The following DARS2 variants were observed in gnomAD, a reference collection of about 807,000 sequenced individuals.
The protein encoded by DARS2 is aspartate--tRNA ligase, mitochondrial.
A neutral mutation model predicts 83.0 loss-of-function variants in DARS2; 63 were observed. That is an observed-to-expected ratio of 0.76 (90% CI 0.62 to 0.94). DARS2 has a LOEUF of 0.94. Ranked by LOEUF, DARS2 falls within the 40% of genes least tolerant of loss-of-function variation. The pLI is 0.00. For synonymous variants in DARS2, 250 were observed against 269.3 expected (o/e 0.93, Z 0.70); for missense variants, 675 against 774.4 (o/e 0.87, Z 1.52).
At chr1:173,835,564 G>A (rs911849136) in intron 7 of DARS2, among the ~76,000 whole-genome samples, 3 of 151,404 alleles carry the variant, frequency 2.0e-5, no homozygotes, top group Non-Finnish European at 4.4e-5. Context: ...AAAAAAAAAT[G>A]GAAAAGAAAA....
At chr1:173,842,938 TAAAAAAAAA>T (rs532765288) in intron 11 of DARS2, among the ~76,000 whole-genome samples, 2 of 120,236 alleles carry the variant, frequency 1.7e-5, no homozygotes, top group African/African-American at 6.3e-5. Flanking sequence ...CACTCCATCT[TAAAAAAAAA>T]AAAAAAAAAA....
intron 15 of DARS2, 107 bp from the exon 16 acceptor site, chr1:173,856,559 G>T: frequency 1.1e-6 from 1 of 942,230 alleles, no homozygotes; most frequent in Non-Finnish European, 1.7e-6. Context: ...GTCAGTTTTA[G>T]CTGTTTTAAA....
At chr1:173,840,738 CTT>C (rs1179101574) in intron 10 of DARS2, 126 bp from the exon 11 acceptor site, 9 of 675,262 alleles carry the variant, frequency 1.3e-5, no homozygotes, top group South Asian at 1.0e-4. Flanking sequence ...GGTAAACACT[CTT>C]TGAATGTATT....
chr1:173,853,132 C>G (rs1653735446), intron 13 of DARS2, among the ~76,000 whole-genome samples: 1 of 152,198 alleles, frequency 6.6e-6, no homozygotes, highest in African/African-American at 2.4e-5. Flanking sequence ...ACCGAGTTAT[C>G]AGTACTCACC....
intron 1 of DARS2, 104 bp downstream of exon 1, chr1:173,825,460 T>G: frequency 1.9e-6 from 1 of 515,060 alleles, no homozygotes; most frequent in Non-Finnish European, 2.7e-6. Context: ...ATTATTATTA[T>G]TATTATTATT....
At chr1:173,840,376 T>C (rs1115487) in intron 10 of DARS2, among the ~76,000 whole-genome samples, 13,821 of 152,252 alleles carry the variant, frequency 0.091, 2,025 homozygotes, top group African/African-American at 0.31. Flanking sequence ...GTAGCTGGGA[T>C]TACAGGCGCA....
intron 7 of DARS2, among the ~76,000 whole-genome samples, chr1:173,834,733 T>G (rs1413381743): frequency 9.9e-5 from 3 of 30,396 alleles, no homozygotes; most frequent in Non-Finnish European, 1.4e-4. Flanking sequence ...AGTTTTTTTG[T>G]TTTTTTTTTT....
intron 7 of DARS2, among the ~76,000 whole-genome samples, chr1:173,834,760 TTTG>T (rs1652930889): frequency 3.9e-5 from 3 of 77,034 alleles, no homozygotes; most frequent in Non-Finnish European, 7.7e-5. Context: ...TTTTTTTTGG[TTTG>T]TTTTGGGTTT....
intron 12 of DARS2, 64 bp downstream of exon 12, chr1:173,845,355 C>T (rs2102654046): frequency 9.8e-7 from 1 of 1,023,728 alleles, no homozygotes; most frequent in Non-Finnish European, 1.5e-6. Context: ...CTATTATTAA[C>T]TAAACTATCA....
intron 13 of DARS2, chr1:173,851,835 G>C (rs1653681655): frequency 1.3e-5 from 13 of 985,246 alleles, no homozygotes; most frequent in Middle Eastern, 1.0e-3. Flanking sequence ...TTCTTCCACA[G>C]AAAAAGTTTC....
chr1:173,853,628 A>AC, intron 14 of DARS2, 61 bp downstream of exon 14: 1 of 1,593,864 alleles, frequency 6.3e-7, no homozygotes, highest in Non-Finnish European at 8.6e-7. Context: ...AGAACTTCAG[A>AC]CTTCAAGGTC....
In DARS2 at chr1:173,826,182, C is replaced by A. The variant is rs183429065; in HGVS notation, c.128-505C>A. Among the ~76,000 whole-genome samples the A allele has an allele frequency of 4.3e-3, 655 of 151,714 alleles. 5 individuals carry two copies. Among genetic ancestry groups the A allele is most frequent in the African/African-American group, 0.015 (615 of 41,350 alleles). ...GAGCTTGCAGTGAGCCGAGATCGCG[C>A]CACTGCACTCCAGCCTGGGCGACAG... On this transcript the variant is annotated intron_variant, in intron 1 of 16. Coordinates refer to ENST00000649689, the MANE Select transcript of DARS2 (RefSeq NM_018122.5).
intron 1 of DARS2, among the ~76,000 whole-genome samples, chr1:173,825,575 T>C (rs1012192128): frequency 1.3e-5 from 2 of 151,682 alleles, no homozygotes; most frequent in Admixed American, 6.6e-5. Context: ...TTCACGCCAT[T>C]CTCCTGCCTC....
chr1:173,831,553 A>T lies in DARS2; in HGVS notation c.415A>T (p.Ile139Phe). Residue 139 changes from isoleucine (I) to phenylalanine (F), a missense_variant, in exon 5 of 17, where the codon ATT (isoleucine) becomes TTT (phenylalanine). Coordinates refer to ENST00000649689, the MANE Select transcript of DARS2 (RefSeq NM_018122.5). Reference sequence around the variant, plus strand: ...CTCCAAGAAAATGCCAACAGGTGAGATTGAAATCAAAGTTAAAACAGCTGA... The same window carrying T: ...CTCCAAGAAAATGCCAACAGGTGAGTTTGAAATCAAAGTTAAAACAGCTGA... ...QENPKMPTGE[I>F]EIKVKTAELL... 6.2e-7 allele frequency: 1 copy of T among 1,614,072 alleles called. No homozygotes were observed. Among genetic ancestry groups the T allele is most frequent in the Non-Finnish European group, 8.5e-7 (1 of 1,179,924 alleles).
intron 12 of DARS2, among the ~76,000 whole-genome samples, chr1:173,849,422 G>T (rs1002819764): frequency 6.6e-6 from 1 of 151,176 alleles, no homozygotes; most frequent in Non-Finnish European, 1.5e-5. Flanking sequence ...TAATCCCAGC[G>T]ACTAGGGAGG....
intron 13 of DARS2, among the ~76,000 whole-genome samples, chr1:173,851,161 ATCACT>A (rs1428159761): frequency 6.6e-6 from 1 of 150,778 alleles, no homozygotes; most frequent in Non-Finnish European, 1.5e-5. Context: ...AGGCAGGAGA[ATCACT>A]TCAACCTGGG....
intron 15 of DARS2, among the ~76,000 whole-genome samples, chr1:173,854,284 G>A (rs1653783634): frequency 6.6e-6 from 1 of 152,070 alleles, no homozygotes; most frequent in African/African-American, 2.4e-5. Flanking sequence ...ACTTAAATCA[G>A]CCTATTTTAT....
At chr1:173,850,302 G>GA in intron 12 of DARS2, 25 bp from the exon 13 acceptor site, 1 of 1,552,160 alleles carries the variant, frequency 6.4e-7, no homozygotes, top group Non-Finnish European at 8.7e-7. Flanking sequence ...AAAAAAACGT[G>GA]AATAAGTCTT....
chr1:173,825,784 A>G (rs1652502804), intron 1 of DARS2, among the ~76,000 whole-genome samples: 1 of 109,868 alleles, frequency 9.1e-6, no homozygotes, highest in Non-Finnish European at 1.8e-5. Flanking sequence ...CCTGTTCTTA[A>G]CTGGATAGCC....
Sources: allele counts gnomAD v4.1 joint callset (sites outside exome capture counted in the v4.1 genomes callset), GRCh38; gene constraint gnomAD v4.1.1; transcripts MANE v1.5; gene names NCBI Gene and HGNC (gene_info 2026-07-23, HGNC 2026-07-21).